MINK1: variants seen among roughly 807,000 people sequenced by gnomAD.
MINK1 encodes the protein misshapen like kinase 1.
MINK1 carries 46 observed loss-of-function variants against 178.4 expected under a neutral mutation model. The ratio of observed to expected loss-of-function variants is 0.26; its 90% CI spans 0.20 to 0.33. The LOEUF (loss-of-function observed/expected upper bound fraction) is 0.33, where lower values mean the gene tolerates loss of function less well. Ranked by LOEUF, MINK1 falls within the 10% of genes least tolerant of loss-of-function variation. The pLI, the probability that MINK1 is intolerant of heterozygous loss-of-function variation, is 1.00. For synonymous variants in MINK1, 797 were observed against 709.7 expected, an observed-to-expected ratio of 1.12 and a Z score of -1.96; for missense variants, 1,366 against 1,814.9, an observed-to-expected ratio of 0.75 and a Z score of 4.49.
At chr17:4,875,235 A>AT in intron 1 of MINK1, 1 of 516,748 alleles carries the variant, frequency 1.9e-6, no homozygotes, top group Non-Finnish European at 3.9e-6. Context: ...TCTCAGGGTC[A>AT]GAAAGACCTC....
chr17:4,837,792 G>A (rs1391877121), intron 1 of MINK1, among the ~76,000 whole-genome samples: 3 of 152,214 alleles, frequency 2.0e-5, no homozygotes, highest in African/African-American at 4.8e-5. Context: ...GTGGAGCTAT[G>A]CTTAGCGTCG....
chr17:4,861,711 G>A, intron 1 of MINK1: 1 of 283,100 alleles, frequency 3.5e-6, no homozygotes, highest in South Asian at 2.8e-5. Context: ...ATGTTGGCCA[G>A]GCTGGTCTTG....
intron 13 of MINK1, chr17:4,890,052 G>C (rs761459719): frequency 2.0e-6 from 1 of 505,544 alleles, no homozygotes; most frequent in South Asian, 2.4e-5. Context: ...GTGCCGCATG[G>C]CCCCCTGGGG....
At chr17:4,867,140 T>TG (rs1915130970) in intron 1 of MINK1, among the ~76,000 whole-genome samples, 1 of 2,960 alleles carries the variant, frequency 3.4e-4, no homozygotes, top group African/African-American at 3.6e-4. Flanking sequence ...TTAGGACTGT[T>TG]TTTTTTTTTT....
rs1403216472 is a variant in MINK1 at position 4,870,074 on chromosome 17, ACTTT to A, written c.58-8242_58-8239del. On this transcript the variant is annotated intron_variant, in intron 1 of 31. Transcript: ENST00000355280. ...AGGCACCCGCCATCATGCCCAGCTAACTTTTTTTTTTTATTTTGTAGTAGAGACG... is the reference window on the plus strand; with the variant it reads ...AGGCACCCGCCATCATGCCCAGCTAATTTTTTTTATTTTGTAGTAGAGACG... Among the ~76,000 whole-genome samples the A allele has an allele frequency of 6.6e-5, 10 of 151,052 alleles. No individual in the cohort carries two copies. In the East Asian group the frequency reaches 9.7e-4, roughly 15 times the overall value.
At chr17:4,866,764 T>C (rs527645830) in intron 1 of MINK1, among the ~76,000 whole-genome samples, 1 of 151,878 alleles carries the variant, frequency 6.6e-6, no homozygotes, top group South Asian at 2.1e-4. Flanking sequence ...AGAGCAACAC[T>C]GCATCTCAAT....
chr17:4,860,069 G>T (rs1204533135), intron 1 of MINK1, among the ~76,000 whole-genome samples: 1 of 151,676 alleles, frequency 6.6e-6, no homozygotes, highest in Non-Finnish European at 1.5e-5. Flanking sequence ...GAAGGGTCGC[G>T]TCCGGGAACT....
chr17:4,875,302 G>T (rs578018991), intron 1 of MINK1, among the ~76,000 whole-genome samples: 1 of 152,290 alleles, frequency 6.6e-6, no homozygotes, highest in South Asian at 2.1e-4. Flanking sequence ...ATCCTACTGT[G>T]ATTTACACCC....
At chr17:4,892,357 G>C in intron 17 of MINK1, 45 bp from the exon 18 acceptor site, 1 of 1,457,930 alleles carries the variant, frequency 6.9e-7, no homozygotes, top group Non-Finnish European at 9.3e-7. Flanking sequence ...CATCACCTCA[G>C]CGCCCCCCCG....
Position 4,880,980 on chromosome 17 carries a change from G to A in MINK1, c.124-4G>A, listed in dbSNP as rs367738274. The A allele has an allele frequency of 1.5e-5, 22 of 1,506,184 alleles. No homozygotes were observed. Among genetic ancestry groups the A allele is most frequent in the Middle Eastern group, 3.4e-4 (2 of 5,826 alleles). 93.3% of individuals were successfully genotyped at this position (1,506,184 alleles called of 1,614,324 possible). ...GCATAGACTCAGATCCCTCTGTCCC[G>A]CAGGGTCGGCATGTCAAGACGGGGC... On this transcript the variant is annotated splice_polypyrimidine_tract_variant and splice_region_variant and intron_variant, in intron 2 of 31. Coordinates refer to ENST00000355280, the MANE Select transcript of MINK1 (RefSeq NM_153827.5).
Position 4,895,226 on chromosome 17 carries a change from C to T in MINK1, c.3069C>T (p.Leu1023=), listed in dbSNP as rs1239822713. 1.2e-6 allele frequency: 2 copies of T among 1,614,144 alleles called. No individual in the cohort carries two copies. The highest frequency in any genetic ancestry group is 1.7e-6 in the Non-Finnish European group (2 of 1,180,014). ...AGAAGCGATTCAACTCCGAGATCCT[C>T]TGTGCAGCCCTTTGGGGTAAGCCAG... is the stretch of plus-strand genomic sequence containing the variant. ...KYKKRFNSEI[L]CAALWGVNLL... is the part of the protein sequence containing the mutation. The change falls in exon 25 of 32, where the codon CTC becomes CTT. Residue 1023 remains leucine, a synonymous_variant. Transcript: ENST00000355280. This position sits in a 1 kb window ranked among gnomAD's most constrained non-coding sequence, Gnocchi z 4.3.
At chr17:4,856,208 C>T (rs1461989648) in intron 1 of MINK1, among the ~76,000 whole-genome samples, 1 of 152,136 alleles carries the variant, frequency 6.6e-6, no homozygotes, top group East Asian at 1.9e-4. Flanking sequence ...CTACCTGCTT[C>T]CTAGTTGGCT....
At chr17:4,849,904 G>T (rs1054833298) in intron 1 of MINK1, among the ~76,000 whole-genome samples, 2 of 152,058 alleles carry the variant, frequency 1.3e-5, no homozygotes, top group Non-Finnish European at 2.9e-5. Flanking sequence ...TCCTTAGCGA[G>T]CCTTTCCTGG....
rs372883013 is a variant in MINK1 at position 4,897,192 on chromosome 17, T to C, written c.3916-12T>C. The C allele has an allele frequency of 1.2e-6, 2 of 1,612,262 alleles. No individual in the cohort carries two copies. The highest frequency in any genetic ancestry group is 1.7e-6 in the Non-Finnish European group (2 of 1,179,106). ...CTCAGCCCTTGGTGACTTCTTCTCC[T>C]GCCCCACCCAGGTGTTTTTTGCCTC... On this transcript the variant is annotated splice_polypyrimidine_tract_variant and intron_variant, in intron 31 of 31. Coordinates refer to ENST00000355280, the MANE Select transcript of MINK1 (RefSeq NM_153827.5).
At chr17:4,878,779 A>T (rs1352143115) in intron 2 of MINK1, among the ~76,000 whole-genome samples, 2 of 152,144 alleles carry the variant, frequency 1.3e-5, no homozygotes, top group African/African-American at 4.8e-5. Context: ...GTGGGACCTA[A>T]TGGGTGGCCT....
Position 4,887,262 on chromosome 17 carries a change from C to G in MINK1, c.1019+83C>G. On this transcript the variant is annotated intron_variant, in intron 11 of 31. Coordinates refer to ENST00000355280, the MANE Select transcript of MINK1 (RefSeq NM_153827.5). The surrounding 1 kb of genome is among the most constrained non-coding windows in gnomAD (Gnocchi z 7.6). ...AGTGGTGCTTGGCTTTGGGGACTCTCAGCCTGGGGGTGGTGGGCACAGAGA... is the reference window on the plus strand; with the variant it reads ...AGTGGTGCTTGGCTTTGGGGACTCTGAGCCTGGGGGTGGTGGGCACAGAGA... 6 of 1,383,668 alleles carry G rather than the reference C, an allele frequency of 4.3e-6. No individual in the cohort carries two copies. The highest frequency in any genetic ancestry group is 5.0e-6 in the Non-Finnish European group (5 of 997,704). 85.7% of individuals were successfully genotyped at this position (1,383,668 alleles called of 1,614,324 possible).
intron 16 of MINK1, among the ~76,000 whole-genome samples, 161 bp from the exon 17 acceptor site, chr17:4,891,988 A>G (rs539555268): frequency 1.2e-3 from 179 of 152,268 alleles, no homozygotes; most frequent in Non-Finnish European, 1.5e-3. Flanking sequence ...CAGCTCCACC[A>G]TCATCCGGCT....
At chr17:4,839,364 A>G (rs1185856801) in intron 1 of MINK1, among the ~76,000 whole-genome samples, 1 of 152,194 alleles carries the variant, frequency 6.6e-6, no homozygotes, top group African/African-American at 2.4e-5. Context: ...GTGGGCAGTC[A>G]TCTTGAAACC....
chr17:4,879,674 T>C (rs1967522366), intron 2 of MINK1, among the ~76,000 whole-genome samples: 1 of 152,130 alleles, frequency 6.6e-6, no homozygotes, highest in South Asian at 2.1e-4. Flanking sequence ...CCTTAGATGC[T>C]CCCACTGGGA....
Sources: gnomAD v4.1 joint callset for allele counts (sites outside exome capture counted in the v4.1 genomes callset) on GRCh38, gnomAD v4.1.1 for gene constraint, Gnocchi (gnomAD v3.1) non-coding constraint, MANE v1.5 for transcripts, NCBI Gene and HGNC (gene_info 2026-07-23, HGNC 2026-07-21) for gene names.